NOX5: variants seen among roughly 807,000 people sequenced by gnomAD.
NOX5 encodes the protein NADPH oxidase, EF-hand calcium binding domain 5.
Under a neutral mutation model 85.7 loss-of-function variants are expected in NOX5, and 76 were observed. That is an observed-to-expected ratio of 0.89 (90% confidence interval 0.74 to 1.07). The LOEUF is 1.07. Among genes scored for constraint, NOX5 ranks in the 50% least tolerant of loss-of-function variants. NOX5 has a pLI of 0.00. For missense variants in NOX5, 973 were observed against 999.5 expected (o/e 0.97, Z 0.36); for synonymous variants, 405 against 401.4 (o/e 1.01, Z -0.11).
intron 1 of NOX5, among the ~76,000 whole-genome samples, chr15:69,019,435 G>A (rs1441449779): frequency 6.6e-6 from 1 of 152,144 alleles, no homozygotes; most frequent in Non-Finnish European, 1.5e-5. Context: ...TGGGAGAAAC[G>A]GAATAAAGAA....
Position 69,038,860 on chromosome 15 carries a change from A to T in NOX5, c.1375A>T (p.Thr459Ser). ...MEVNLLPSKV[T>S]HLLIKRPPFF... ...AGATCTCCTTCCTCTTTCCCAGGTC[A>T]CTCATCTCCTCATCAAGCGGCCCCC... is the stretch of plus-strand genomic sequence containing the variant. The change falls in exon 9 of 16, where the codon ACT (threonine) becomes TCT (serine). Residue 459 changes from threonine (T) to serine (S), a missense_variant. Thr to Ser is a moderately conservative substitution (Grantham distance 58, BLOSUM62 1). Coordinates refer to ENST00000388866, the MANE Select transcript of NOX5 (RefSeq NM_024505.4). 1 of 1,610,190 alleles carries T rather than the reference A, an allele frequency of 6.2e-7. No homozygotes were observed. The highest frequency in any genetic ancestry group is 8.5e-7 in the Non-Finnish European group (1 of 1,176,698).
chr15:69,018,629 C>T (rs993357474), intron 1 of NOX5, among the ~76,000 whole-genome samples: 1 of 149,256 alleles, frequency 6.7e-6, no homozygotes, highest in Non-Finnish European at 1.5e-5. Flanking sequence ...GTGGGCTGTA[C>T]CTGTTGAGCC....
At chr15:69,018,092 C>T (rs922749690) in intron 1 of NOX5, among the ~76,000 whole-genome samples, 3 of 151,968 alleles carry the variant, frequency 2.0e-5, no homozygotes, top group South Asian at 2.1e-4. Flanking sequence ...CAATTGTGGG[C>T]GGTCCATGGA....
In NOX5 at chr15:69,042,879, A is replaced by C; in HGVS notation, c.1647+74A>C. The stretch of plus-strand genomic sequence containing the variant: ...GAGACCAAGTTGCCTCCTTCTTCTC[A>C]GTGAGCATCAATTATTGAGCAACTG... On this transcript the variant is annotated intron_variant, in intron 10 of 15. Coordinates refer to ENST00000388866, the MANE Select transcript of NOX5 (RefSeq NM_024505.4). 2.0e-6 allele frequency: 3 copies of C among 1,491,576 alleles called. No individual in the cohort carries two copies. The South Asian group carries it at 3.9e-5, about 19-fold the overall frequency. The allele number at this position is 1,491,576 out of a possible 1,614,324, so 92.4% of individuals were successfully genotyped here.
intron 6 of NOX5, 65 bp downstream of exon 6, chr15:69,035,572 G>C (rs1055336215): frequency 1.9e-6 from 3 of 1,590,666 alleles, no homozygotes; most frequent in African/African-American, 2.7e-5. Flanking sequence ...CAGAATGCAG[G>C]GCCCAGCCCC....
At chr15:69,037,577 C>T (rs1487670220) in intron 8 of NOX5, 2 of 184,094 alleles carry the variant, frequency 1.1e-5, no homozygotes, top group African/African-American at 4.7e-5. Context: ...CCTTTCATTA[C>T]AGTGCAGGGC....
At chr15:69,033,012 C>G (rs748570012) in intron 4 of NOX5, 31 bp from the exon 5 acceptor site, 12 of 1,526,786 alleles carry the variant, frequency 7.9e-6, no homozygotes, top group Admixed American at 2.3e-5. Flanking sequence ...CCCCACCGCT[C>G]GCCTCTGAGC....
At chr15:69,040,402 GCTCT>G (rs889986107) in intron 9 of NOX5, among the ~76,000 whole-genome samples, 6 of 152,028 alleles carry the variant, frequency 3.9e-5, no homozygotes, top group African/African-American at 7.2e-5. Flanking sequence ...TAGGCTTCCA[GCTCT>G]CTCTCTCTAT....
chr15:69,053,799 G>A (rs991624741), intron 14 of NOX5, among the ~76,000 whole-genome samples: 7 of 152,066 alleles, frequency 4.6e-5, no homozygotes, highest in East Asian at 1.9e-4. Context: ...CCTCTCTGGG[G>A]TATGGTGACT....
In NOX5 at chr15:69,055,511, C is replaced by G. The variant is rs1333661426; in HGVS notation, c.2166+11C>G. The stretch of plus-strand genomic sequence containing the variant: ...CCTGACTGGAGCAAGGTAATGCCAA[C>G]TGGAGCCCTGCAGCTTGCAGGTATG... On this transcript the variant is annotated intron_variant, in intron 15 of 15. Coordinates refer to ENST00000388866, the MANE Select transcript of NOX5 (RefSeq NM_024505.4). The G allele has an allele frequency of 6.2e-7, 1 of 1,612,252 alleles. No individual in the cohort carries two copies. The highest frequency in any genetic ancestry group is 8.5e-7 in the Non-Finnish European group (1 of 1,179,026).
chr15:69,034,153 T>C (rs2050481641), intron 5 of NOX5, among the ~76,000 whole-genome samples: 1 of 152,254 alleles, frequency 6.6e-6, no homozygotes, highest in South Asian at 2.1e-4. Context: ...CTAGCTCAGA[T>C]ACGCTTCTGG....
Position 69,037,041 on chromosome 15 carries a change from C to T in NOX5, c.1202C>T (p.Thr401Ile). Residue 401 changes from threonine (T) to isoleucine (I), a missense_variant, in exon 8 of 16, where the codon ACT becomes ATT. Coordinates refer to ENST00000388866, the MANE Select transcript of NOX5 (RefSeq NM_024505.4). ...RSGHFEVFYW[T>I]HLSYLLVWLL... is the part of the protein sequence containing the mutation. ...CTACCCCCATAGGTGTTCTATTGGA[C>T]TCACCTGTCCTACCTCCTCGTGTGG... 6.2e-7 allele frequency: 1 copy of T among 1,613,232 alleles called. No individual in the cohort carries two copies. The highest frequency in any genetic ancestry group is 2.2e-5 in the East Asian group (1 of 44,808).
intron 5 of NOX5, 150 bp downstream of exon 5, chr15:69,033,427 G>T (rs1168204692): frequency 3.6e-6 from 3 of 839,332 alleles, no homozygotes; most frequent in Non-Finnish European, 5.5e-6. Context: ...AGAGTTGGAG[G>T]ACGCCGCCCA....
intron 1 of NOX5, among the ~76,000 whole-genome samples, chr15:69,018,186 A>G (rs188228161): frequency 9.2e-5 from 14 of 152,044 alleles, no homozygotes; most frequent in Non-Finnish European, 1.5e-5. Context: ...GTTTCAGAGA[A>G]AGAGGAACAA....
chr15:69,031,463 T>A, intron 3 of NOX5, 55 bp from the exon 4 acceptor site: 1 of 1,554,588 alleles, frequency 6.4e-7, no homozygotes, highest in South Asian at 1.2e-5. Flanking sequence ...CAAGGAAAGC[T>A]GACTGGCAGA....
At chr15:69,023,105 G>T in intron 1 of NOX5, 1 of 405,662 alleles carries the variant, frequency 2.5e-6, no homozygotes, top group South Asian at 2.2e-5. Flanking sequence ...ACTTCTTCCT[G>T]GGTGTCATTA....
chr15:69,038,483 C>A, intron 8 of NOX5: 3 of 304,454 alleles, frequency 9.9e-6, no homozygotes, highest in Non-Finnish European at 1.9e-5. Context: ...GAGAGATGCC[C>A]ATTGATGGTT....
rs1567096910 is a variant in NOX5 at position 69,031,571 on chromosome 15, C to CCGCACTGGGCTTCATCCCCACT, written c.382_403dup (p.Gly135AlafsTer15). The stretch of plus-strand genomic sequence containing the variant: ...TACAGAGTGGGGTGCTGGGGCAGGC[C>CCGCACTGGGCTTCATCCCCACT]CGCACTGGGCTTCATCCCCACTCGG... On this transcript the variant is annotated frameshift_variant, in exon 4 of 16. Transcript: ENST00000388866. LOFTEE classifies it high-confidence loss of function. 6.2e-7 allele frequency: 1 copy of CCGCACTGGGCTTCATCCCCACT among 1,612,610 alleles called. No individual in the cohort carries two copies. Among genetic ancestry groups the CCGCACTGGGCTTCATCCCCACT allele is most frequent in the Non-Finnish European group, 8.5e-7 (1 of 1,180,024 alleles).
chr15:69,031,676 C>T lies in NOX5; in HGVS notation c.484C>T (p.Pro162Ser), dbSNP rs2050434807. The change falls in exon 4 of 16, where the codon CCT becomes TCT. Residue 162 changes from proline (P) to serine (S), a missense_variant. Transcript: ENST00000388866. ...TCTGCGCGAGAGCGCCATCTCGCTG[C>T]CTGACGAGAAGCTGGACCAGCTGAC... ...SCLRESAISLPDEKLDQLTLA... is the reference protein window; with the variant it reads ...SCLRESAISLSDEKLDQLTLA... The T allele has an allele frequency of 6.2e-7, 1 of 1,613,296 alleles. No individual in the cohort carries two copies. Among genetic ancestry groups the T allele is most frequent in the South Asian group, 1.1e-5 (1 of 91,060 alleles).
Sources: gnomAD v4.1 joint callset for allele counts (sites outside exome capture counted in the v4.1 genomes callset) on GRCh38, gnomAD v4.1.1 for gene constraint, MANE v1.5 for transcripts, NCBI Gene and HGNC (gene_info 2026-07-23, HGNC 2026-07-21) for gene names.